WDR5: variants seen among roughly 807,000 people sequenced by gnomAD.
WDR5 encodes WD repeat-containing protein 5.
For missense variants in WDR5, 187 were observed against 416.9 expected (o/e 0.45, Z 4.80); for synonymous variants, 144 against 161.6 (o/e 0.89, Z 0.83).
chr9:134,152,270 C>T (rs762673915), intron 9 of WDR5, among the ~76,000 whole-genome samples: 3 of 152,254 alleles, frequency 2.0e-5, no homozygotes, highest in Non-Finnish European at 4.4e-5. Context: ...GGGGCTCCTC[C>T]ACCTGTGCTG....
chr9:134,147,133 G>A (rs1832249650), intron 7 of WDR5, among the ~76,000 whole-genome samples: 1 of 152,216 alleles, frequency 6.6e-6, no homozygotes, highest in Non-Finnish European at 1.5e-5. Flanking sequence ...TAGATACATT[G>A]GGTTACATGT....
At chr9:134,140,929 G>C (rs918004350) in intron 3 of WDR5, 118 bp downstream of exon 3, 4 of 936,530 alleles carry the variant, frequency 4.3e-6, no homozygotes, top group East Asian at 2.5e-5. Context: ...CAGGCCGCTG[G>C]GGGGCACGTA....
intron 2 of WDR5, 126 bp from the exon 3 acceptor site, chr9:134,140,577 C>G: frequency 1.3e-6 from 1 of 794,850 alleles, no homozygotes; most frequent in South Asian, 1.5e-5. Flanking sequence ...GTGGAAGGCA[C>G]TGGGCATGTG....
chr9:134,152,611 G>A (rs1258343749), intron 9 of WDR5, among the ~76,000 whole-genome samples: 2 of 152,254 alleles, frequency 1.3e-5, no homozygotes, highest in Non-Finnish European at 2.9e-5. Flanking sequence ...CATCCGGGGA[G>A]TGTTCGTGTT....
At position 134,158,321 on chromosome 9, in the gene WDR5, T is replaced by G; in HGVS notation, c.*328T>G. 4.7e-6 allele frequency: 1 copy of G among 212,366 alleles called. No individual in the cohort carries two copies. Among genetic ancestry groups the G allele is most frequent in the South Asian group, 8.3e-5 (1 of 12,064 alleles). The allele number at this position is 212,366 out of a possible 1,614,324, so 13.2% of individuals were successfully genotyped here. A position where few individuals can be genotyped will look rare whatever the true frequency, so the allele number is the denominator to read the frequency against. On this transcript the variant is annotated 3_prime_UTR_variant, in exon 14 of 14. Transcript: ENST00000358625. ...TTTAACATGCGTTGTGTTTTTTCAGTAAACGTTCTGTATCTTTTTGATATT... is the reference window on the plus strand; with the variant it reads ...TTTAACATGCGTTGTGTTTTTTCAGGAAACGTTCTGTATCTTTTTGATATT...
Position 134,156,712 on chromosome 9 carries a change from G to A in WDR5, c.904+119G>A, listed in dbSNP as rs1034977095. On this transcript the variant is annotated intron_variant, in intron 13 of 13. Coordinates refer to ENST00000358625, the MANE Select transcript of WDR5 (RefSeq NM_017588.3). ...CTTCCCCTTCCCACCTCAGCCCTCC[G>A]CTGGCCCCGCTGAGGAACCGCTGCT... 8.8e-5 allele frequency: 82 copies of A among 934,484 alleles called. 2 individuals are homozygous for A. In the Admixed American group the frequency reaches 1.6e-3, roughly 19 times the overall value. The allele number at this position is 934,484 out of a possible 1,614,324, so 57.9% of individuals were successfully genotyped here.
chr9:134,142,555 G>A, intron 6 of WDR5, 81 bp from the exon 7 acceptor site: 12 of 1,562,182 alleles, frequency 7.7e-6, no homozygotes, highest in South Asian at 1.1e-5. Flanking sequence ...GGGGAGGATG[G>A]GCTGATAGCA....
intron 13 of WDR5, 87 bp downstream of exon 13, chr9:134,156,680 C>CTGT (rs1330426374): frequency 1.3e-5 from 18 of 1,364,380 alleles, no homozygotes; most frequent in Non-Finnish European, 1.8e-5. Context: ...CCGTAGGGTG[C>CTGT]CGTCGTCTTC....
intron 1 of WDR5, among the ~76,000 whole-genome samples, chr9:134,138,899 C>T (rs1215718602): frequency 1.3e-5 from 2 of 152,200 alleles, no homozygotes. Flanking sequence ...AAGCATGTCT[C>T]AGTGGCTTTC....
chr9:134,141,453 G>A lies in WDR5; in HGVS notation c.191-57G>A. The A allele has an allele frequency of 5.7e-6, 9 of 1,574,194 alleles. No individual in the cohort carries two copies. In the South Asian group the frequency reaches 1.0e-4, roughly 17 times the overall value. ...GGGAAAAGCTCAGACTTTGGACTCT[G>A]GATGACTAGACAATTGTGTCCTGCT... On this transcript the variant is annotated intron_variant, in intron 3 of 13. Transcript: ENST00000358625.
At chr9:134,148,528 A>T (rs1179154134) in intron 8 of WDR5, among the ~76,000 whole-genome samples, 185 bp downstream of exon 8, 1 of 151,938 alleles carries the variant, frequency 6.6e-6, no homozygotes, top group East Asian at 1.9e-4. Context: ...GGTTGGCAGC[A>T]CAGGTGGTGG....
At chr9:134,146,455 C>T (rs892581193) in intron 7 of WDR5, among the ~76,000 whole-genome samples, 3 of 152,182 alleles carry the variant, frequency 2.0e-5, no homozygotes, top group Non-Finnish European at 2.9e-5. Flanking sequence ...AGGCTGGTCT[C>T]GAATTCCTGG....
intron 5 of WDR5, 110 bp downstream of exon 5, chr9:134,142,148 G>A: frequency 9.8e-7 from 1 of 1,018,926 alleles, no homozygotes; most frequent in Non-Finnish European, 1.5e-6. Context: ...CTCCTCTCCA[G>A]GGAAGACTGG....
intron 9 of WDR5, among the ~76,000 whole-genome samples, chr9:134,153,591 A>C (rs1428969840): frequency 6.6e-6 from 1 of 152,186 alleles, no homozygotes; most frequent in Non-Finnish European, 1.5e-5. Flanking sequence ...GCATGGCCTC[A>C]CAGCGTCTCC....
chr9:134,140,903 C>G, intron 3 of WDR5, 92 bp downstream of exon 3: 1 of 1,258,182 alleles, frequency 7.9e-7, no homozygotes, highest in South Asian at 1.2e-5. Context: ...CCTCACCTAC[C>G]GCTGGGGAGA....
intron 3 of WDR5, 72 bp downstream of exon 3, chr9:134,140,883 T>C: frequency 6.9e-7 from 1 of 1,453,618 alleles, no homozygotes; most frequent in Non-Finnish European, 9.7e-7. Context: ...GGCGAGGGGA[T>C]GGCTTGCTTC....
chr9:134,146,113 C>T (rs1381741002), intron 7 of WDR5, among the ~76,000 whole-genome samples: 1 of 150,692 alleles, frequency 6.6e-6, no homozygotes, highest in Non-Finnish European at 1.5e-5. Flanking sequence ...TACAGGCGCC[C>T]TCCACCATGC....
chr9:134,148,390 G>GTTA (rs777796303), intron 8 of WDR5, 47 bp downstream of exon 8: 1 of 1,544,564 alleles, frequency 6.5e-7, no homozygotes, highest in Non-Finnish European at 8.9e-7. Context: ...GCTTAACTAA[G>GTTA]GGCCAGCTCT....
intron 1 of WDR5, among the ~76,000 whole-genome samples, chr9:134,138,822 A>T (rs1296743600): frequency 6.6e-6 from 1 of 152,212 alleles, no homozygotes; most frequent in African/African-American, 2.4e-5. Flanking sequence ...TAGAATTTAC[A>T]GTGTGTAAAC....
Sources: gnomAD v4.1 joint callset for allele counts (sites outside exome capture counted in the v4.1 genomes callset) on GRCh38, gnomAD v4.1.1 for gene constraint, MANE v1.5 for transcripts, NCBI Gene and HGNC (gene_info 2026-07-23, HGNC 2026-07-21) for gene names.